Variants in STXBP5L observed in about 807,000 individuals in gnomAD.
The protein encoded by STXBP5L is syntaxin binding protein 5L.
Under a neutral mutation model 144.5 loss-of-function variants are expected in STXBP5L, and 65 were observed. The observed-to-expected ratio is 0.45, with a 90% CI of 0.37 to 0.55. STXBP5L has a LOEUF of 0.55. Among genes scored for constraint, STXBP5L ranks in the 20% least tolerant of loss-of-function variants. The pLI is 0.00. For missense variants in STXBP5L, 1,298 were observed against 1,405.5 expected (o/e 0.92, Z 1.22); for synonymous variants, 505 against 469.6 (o/e 1.08, Z -0.97).
At chr3:120,911,371 A>G (rs967636045) in intron 2 of STXBP5L, among the ~76,000 whole-genome samples, 16 of 152,218 alleles carry the variant, frequency 1.1e-4, no homozygotes, top group East Asian at 1.9e-4. Context: ...ATGGCATGGT[A>G]GGAAGAGCAC....
chr3:121,341,175 T>C (rs980280649), intron 20 of STXBP5L, among the ~76,000 whole-genome samples: 3 of 152,082 alleles, frequency 2.0e-5, no homozygotes, highest in Admixed American at 2.0e-4. Context: ...AAAAAGCTAA[T>C]AGTCTGATTT....
At chr3:121,078,962 G>A (rs544149636) in intron 5 of STXBP5L, among the ~76,000 whole-genome samples, 2 of 152,346 alleles carry the variant, frequency 1.3e-5, no homozygotes, top group Admixed American at 6.5e-5. Context: ...CAAGCTGAGG[G>A]AGACAGCTCC....
intron 2 of STXBP5L, among the ~76,000 whole-genome samples, chr3:120,951,169 C>A (rs1389671260): frequency 2.0e-5 from 3 of 152,164 alleles, no homozygotes; most frequent in African/African-American, 7.2e-5. Flanking sequence ...GGATTAAAGA[C>A]TTAAACATTA....
intron 9 of STXBP5L, among the ~76,000 whole-genome samples, chr3:121,172,412 G>A (rs2046759267): frequency 1.3e-5 from 2 of 152,146 alleles, no homozygotes; most frequent in South Asian, 4.1e-4. Context: ...TACAGAATGG[G>A]AGAAAATTTT....
At chr3:121,234,519 C>T (rs2049411434) in intron 12 of STXBP5L, among the ~76,000 whole-genome samples, 2 of 152,062 alleles carry the variant, frequency 1.3e-5, no homozygotes, top group Admixed American at 1.3e-4. Context: ...TTTCTATTTG[C>T]TGTTGCTTAA....
chr3:121,025,860 T>C (rs1044454041), intron 3 of STXBP5L, among the ~76,000 whole-genome samples: 7 of 147,232 alleles, frequency 4.8e-5, no homozygotes, highest in African/African-American at 1.7e-4. Flanking sequence ...AAGTATATCA[T>C]TAAATTATAT....
At chr3:120,982,787 G>T (rs1015786722) in intron 3 of STXBP5L, among the ~76,000 whole-genome samples, 3 of 152,204 alleles carry the variant, frequency 2.0e-5, no homozygotes, top group Non-Finnish European at 2.9e-5. Flanking sequence ...GACTGATCAG[G>T]TGCCAGTTGT....
intron 22 of STXBP5L, among the ~76,000 whole-genome samples, chr3:121,388,653 T>A (rs912293719): frequency 6.6e-6 from 1 of 152,184 alleles, no homozygotes; most frequent in Non-Finnish European, 1.5e-5. Flanking sequence ...GAGATAACCA[T>A]GTGTTTTTTG....
chr3:121,066,916 G>GT (rs773977055), intron 5 of STXBP5L, among the ~76,000 whole-genome samples: 1 of 151,900 alleles, frequency 6.6e-6, no homozygotes, highest in Non-Finnish European at 1.5e-5. Context: ...CAGATATTCT[G>GT]TTTTTTCTTG....
chr3:121,175,657 G>GA (rs2046904510), intron 9 of STXBP5L, among the ~76,000 whole-genome samples: 2 of 151,280 alleles, frequency 1.3e-5, no homozygotes, highest in South Asian at 4.2e-4. Flanking sequence ...GAAAAGGAGG[G>GA]AAAAAAGAAA....
chr3:121,198,278 G>A (rs2048000670), intron 9 of STXBP5L, among the ~76,000 whole-genome samples: 1 of 152,076 alleles, frequency 6.6e-6, no homozygotes, highest in African/African-American at 2.4e-5. Context: ...TTTCTTAGCT[G>A]CATAAATGTC....
chr3:121,184,233 T>C (rs913131755), intron 9 of STXBP5L, among the ~76,000 whole-genome samples: 1 of 151,742 alleles, frequency 6.6e-6, no homozygotes, highest in Non-Finnish European at 1.5e-5. Flanking sequence ...CCGACAGAAG[T>C]AGGCTTCAGA....
chr3:121,358,494 G>C (rs893962132), intron 20 of STXBP5L, among the ~76,000 whole-genome samples: 2 of 152,100 alleles, frequency 1.3e-5, no homozygotes, highest in African/African-American at 2.4e-5. Context: ...GGGCAGTGCT[G>C]CATGTTTTTA....
At chr3:121,086,388 G>A (rs1478551741) in intron 5 of STXBP5L, among the ~76,000 whole-genome samples, 1 of 152,046 alleles carries the variant, frequency 6.6e-6, no homozygotes, top group Non-Finnish European at 1.5e-5. Context: ...GGATAATGAA[G>A]CTGAAAAATT....
At chr3:121,275,697 T>C (rs931053322) in intron 18 of STXBP5L, among the ~76,000 whole-genome samples, 1 of 152,126 alleles carries the variant, frequency 6.6e-6, no homozygotes, top group African/African-American at 2.4e-5. Context: ...TTTTCATGAA[T>C]TTTGAAGCTT....
chr3:121,065,147 G>A (rs940433168), intron 5 of STXBP5L, among the ~76,000 whole-genome samples: 1 of 151,930 alleles, frequency 6.6e-6, no homozygotes, highest in African/African-American at 2.4e-5. Flanking sequence ...ACTGTTGATG[G>A]GCACTTGGGT....
intron 19 of STXBP5L, among the ~76,000 whole-genome samples, chr3:121,283,922 T>A (rs1169217618): frequency 6.6e-6 from 1 of 151,302 alleles, no homozygotes; most frequent in African/African-American, 2.4e-5. Context: ...TGTGTGTGTG[T>A]GTGTGTAGAC....
At chr3:120,992,236 G>T (rs1171080406) in intron 3 of STXBP5L, among the ~76,000 whole-genome samples, 2 of 152,050 alleles carry the variant, frequency 1.3e-5, no homozygotes, top group Non-Finnish European at 2.9e-5. Flanking sequence ...ACAATGTGTA[G>T]TGATCAACTC....
chr3:120,931,051 C>T (rs1297605636), intron 2 of STXBP5L, among the ~76,000 whole-genome samples: 2 of 151,034 alleles, frequency 1.3e-5, no homozygotes, highest in African/African-American at 4.9e-5. Context: ...GTGTGCCTAT[C>T]AGCCAAAGAC....
Sources: gnomAD v4.1 joint callset for allele counts (sites outside exome capture counted in the v4.1 genomes callset) on GRCh38, gnomAD v4.1.1 for gene constraint, MANE v1.5 for transcripts, NCBI Gene and HGNC (gene_info 2026-07-23, HGNC 2026-07-21) for gene names.